The following SCPEP1 variants were observed in gnomAD, a reference collection of about 807,000 sequenced individuals.
The protein encoded by SCPEP1 is serine carboxypeptidase 1, also known as retinoid-inducible serine carboxypeptidase.
In SCPEP1, 51 loss-of-function variants were observed where a neutral mutation model predicts 63.8. The ratio of observed to expected loss-of-function variants is 0.80; its 90% CI spans 0.64 to 1.01. The LOEUF (loss-of-function observed/expected upper bound fraction) is 1.01, where lower values mean the gene tolerates loss of function less well. Among genes scored for constraint, SCPEP1 ranks in the 50% least tolerant of loss-of-function variants. SCPEP1 has a pLI of 0.00. For missense variants in SCPEP1, 499 were observed against 554.9 expected (o/e 0.90, Z 1.01); for synonymous variants, 204 against 207.8 (o/e 0.98, Z 0.16).
At chr17:56,982,324 C>G (rs1483165197) in intron 2 of SCPEP1, among the ~76,000 whole-genome samples, 1 of 152,148 alleles carries the variant, frequency 6.6e-6, no homozygotes, top group Non-Finnish European at 1.5e-5. Flanking sequence ...TAAGCAGCCT[C>G]CCACCACCTG....
chr17:56,998,272 CTG>C (rs1721079627), intron 9 of SCPEP1, 111 bp from the exon 10 acceptor site: 1 of 679,856 alleles, frequency 1.5e-6, no homozygotes, highest in Non-Finnish European at 2.5e-6. Context: ...GATCGTGCCA[CTG>C]CACTCCAGCC....
intron 12 of SCPEP1, among the ~76,000 whole-genome samples, chr17:57,002,435 G>A (rs934804868): frequency 5.9e-5 from 9 of 152,152 alleles, no homozygotes; most frequent in African/African-American, 2.2e-4. Context: ...TGAAAATTAG[G>A]CCAGGCACAG....
intron 5 of SCPEP1, among the ~76,000 whole-genome samples, chr17:56,989,985 G>A (rs1053870767): frequency 5.9e-5 from 9 of 152,140 alleles, no homozygotes; most frequent in African/African-American, 2.2e-4. Context: ...GCTGAGGTAG[G>A]AGGATTGCTT....
chr17:56,986,814 G>C (rs1911235500), intron 3 of SCPEP1, among the ~76,000 whole-genome samples: 1 of 152,112 alleles, frequency 6.6e-6, no homozygotes, highest in Non-Finnish European at 1.5e-5. Flanking sequence ...CAAAGTGCTG[G>C]GATTACAGGC....
intron 2 of SCPEP1, among the ~76,000 whole-genome samples, chr17:56,981,740 T>A (rs1264128074): frequency 6.6e-6 from 1 of 152,164 alleles, no homozygotes; most frequent in South Asian, 2.1e-4. Flanking sequence ...GAGAATTGCT[T>A]GGACCCGGGA....
intron 5 of SCPEP1, among the ~76,000 whole-genome samples, chr17:56,990,420 G>C (rs533043804): frequency 6.6e-6 from 1 of 152,230 alleles, no homozygotes; most frequent in South Asian, 2.1e-4. Flanking sequence ...ACTGTAACAA[G>C]CATAAATTAA....
chr17:57,000,752 C>A, intron 10 of SCPEP1, 103 bp from the exon 11 acceptor site: 1 of 1,328,104 alleles, frequency 7.5e-7, no homozygotes, highest in African/African-American at 1.4e-5. Flanking sequence ...TCTGTGCATT[C>A]AGTCGTTGTT....
intron 2 of SCPEP1, chr17:56,983,374 A>G (rs1911121999): frequency 6.6e-6 from 1 of 152,134 alleles, no homozygotes; most frequent in Non-Finnish European, 1.5e-5. Flanking sequence ...CTTTGATCCT[A>G]CCTCATCCTA....
intron 2 of SCPEP1, chr17:56,985,096 C>T (rs1911175652): frequency 6.0e-6 from 2 of 332,042 alleles, no homozygotes; most frequent in African/African-American, 2.7e-5. Context: ...CAAAGTTAGA[C>T]TCTGTCTGAA....
intron 7 of SCPEP1, 122 bp from the exon 8 acceptor site, chr17:56,995,385 T>C (rs933045847): frequency 1.7e-5 from 17 of 1,026,512 alleles, no homozygotes; most frequent in Non-Finnish European, 2.2e-5. Flanking sequence ...ACAATACACT[T>C]TGATATGTGA....
intron 3 of SCPEP1, among the ~76,000 whole-genome samples, chr17:56,986,163 C>CTT (rs1911210906): frequency 6.6e-6 from 1 of 152,138 alleles, no homozygotes; most frequent in Admixed American, 6.5e-5. Context: ...ATGTTCTCCA[C>CTT]TTTCCTCAGT....
Position 56,978,212 on chromosome 17 carries a change from C to G in SCPEP1, c.53C>G (p.Pro18Arg), listed in dbSNP as rs1910970495. ...GTCCCGCGGTGGTTGCTGCTGCTGC[C>G]GCTGCTGCTGGGCCTGAACGCAGGT... ...SPVPRWLLLL[P>R]LLLGLNAGAV... Residue 18 changes from proline (P) to arginine (R), a missense_variant, in exon 1 of 13, where the codon CCG becomes CGG. Physicochemically the swap from Pro to Arg is moderately radical, Grantham distance 103 (BLOSUM62 -2). Transcript: ENST00000262288. 2 of 1,559,242 alleles carry G rather than the reference C, an allele frequency of 1.3e-6. No homozygotes were observed. Among genetic ancestry groups the G allele is most frequent in the African/African-American group, 1.4e-5 (1 of 73,750 alleles).
chr17:56,997,599 A>G (rs1911607278), intron 9 of SCPEP1, among the ~76,000 whole-genome samples: 1 of 152,160 alleles, frequency 6.6e-6, no homozygotes, highest in East Asian at 1.9e-4. Flanking sequence ...CCCCAAGTCT[A>G]TAGAATGTAT....
At position 56,994,703 on chromosome 17, in the gene SCPEP1, G is replaced by C. The variant is rs58536703; in HGVS notation, c.620-278G>C. On this transcript the variant is annotated intron_variant, in intron 6 of 12. Transcript: ENST00000262288. ...GCCTGCCTGTGGGGATGCTGTCATCGGCAATGACTCACTTGCTGGACCAGT... is the reference window on the plus strand; with the variant it reads ...GCCTGCCTGTGGGGATGCTGTCATCCGCAATGACTCACTTGCTGGACCAGT... 7.2e-3 allele frequency among the ~76,000 whole-genome samples: 1,094 copies of C among 152,236 alleles called. 17 individuals are homozygous for C. Among genetic ancestry groups the C allele is most frequent in the African/African-American group, 0.025 (1,042 of 41,534 alleles).
chr17:57,003,112 G>GC (rs1414441003), intron 12 of SCPEP1, among the ~76,000 whole-genome samples: 1 of 152,058 alleles, frequency 6.6e-6, no homozygotes, highest in African/African-American at 2.4e-5. Context: ...GGAAGATTGT[G>GC]CCCCACGTGA....
At chr17:57,003,434 T>C (rs1365124933) in intron 12 of SCPEP1, among the ~76,000 whole-genome samples, 1 of 151,992 alleles carries the variant, frequency 6.6e-6, no homozygotes, top group East Asian at 1.9e-4. Context: ...GGAAAGTAGA[T>C]GGATTTGGTG....
chr17:56,987,607 G>A (rs1286343046), intron 3 of SCPEP1, 88 bp from the exon 4 acceptor site: 18 of 1,363,522 alleles, frequency 1.3e-5, no homozygotes, highest in Non-Finnish European at 1.8e-5. Flanking sequence ...ACATGTGTGG[G>A]TTTTGCTGAG....
At chr17:56,988,501 A>C (rs1911291509) in intron 5 of SCPEP1, among the ~76,000 whole-genome samples, 1 of 152,176 alleles carries the variant, frequency 6.6e-6, no homozygotes. Context: ...TGAGTGAGTA[A>C]AAGAATGTGG....
At chr17:57,003,207 G>A (rs944518953) in intron 12 of SCPEP1, among the ~76,000 whole-genome samples, 2 of 152,170 alleles carry the variant, frequency 1.3e-5, no homozygotes, top group Non-Finnish European at 2.9e-5. Flanking sequence ...CTCAGACAGC[G>A]AGGACTTGGA....
Sources: gnomAD v4.1 joint callset for allele counts (sites outside exome capture counted in the v4.1 genomes callset) on GRCh38, gnomAD v4.1.1 for gene constraint, MANE v1.5 for transcripts, NCBI Gene and HGNC (gene_info 2026-07-23, HGNC 2026-07-21) for gene names.